The following HEMK2 variants were observed in gnomAD, a reference collection of about 807,000 sequenced individuals.
HEMK2 encodes the protein HemK methyltransferase 2, ETF1 glutamine and histone H4 lysine.
chr21:28,873,888 G>C, the HEMK2 span: 1 of 152,184 alleles, frequency 6.6e-6, no homozygotes, highest in East Asian at 1.9e-4. Context: ...TAAGTCATGG[G>C]AACAGGAAGC....
chr21:28,837,816 A>C, the HEMK2 span, among the ~76,000 whole-genome samples: 4 of 152,168 alleles, frequency 2.6e-5, no homozygotes, highest in Non-Finnish European at 5.9e-5. Context: ...GAAAAGAAGA[A>C]AGAAAATCCA....
chr21:28,647,356 A>G, the HEMK2 span, among the ~76,000 whole-genome samples: 3 of 150,380 alleles, frequency 2.0e-5, no homozygotes, highest in Non-Finnish European at 4.4e-5. Flanking sequence ...ACATACAAAA[A>G]AATTAGCTGG....
the HEMK2 span, among the ~76,000 whole-genome samples, chr21:28,647,254 G>A: frequency 1.6e-3 from 242 of 149,576 alleles, 3 homozygotes; most frequent in Middle Eastern, 0.014. Flanking sequence ...GGGAGGCTGA[G>A]GTGGGCTGAT....
chr21:28,769,302 C>T, the HEMK2 span, among the ~76,000 whole-genome samples: 1 of 152,030 alleles, frequency 6.6e-6, no homozygotes, highest in Non-Finnish European at 1.5e-5. Flanking sequence ...AATTTGTGCG[C>T]TGGGCTGTCA....
chr21:28,637,495 A>G, the HEMK2 span, among the ~76,000 whole-genome samples: 1 of 152,264 alleles, frequency 6.6e-6, no homozygotes, highest in East Asian at 1.9e-4. Flanking sequence ...GTTGCTCTCA[A>G]CAGAGCTGAG....
At chr21:28,631,819 T>C in the HEMK2 span, among the ~76,000 whole-genome samples, 1 of 151,046 alleles carries the variant, frequency 6.6e-6, no homozygotes, top group Admixed American at 6.6e-5. Context: ...AACAGGAGCC[T>C]AACCTCTTAG....
At chr21:28,691,463 C>T in the HEMK2 span, among the ~76,000 whole-genome samples, 1 of 152,144 alleles carries the variant, frequency 6.6e-6, no homozygotes, top group Admixed American at 6.5e-5. Flanking sequence ...TTGGCCTCTT[C>T]AAGTTGGTTT....
At chr21:28,839,534 A>C in the HEMK2 span, among the ~76,000 whole-genome samples, 1 of 152,216 alleles carries the variant, frequency 6.6e-6, no homozygotes, top group Non-Finnish European at 1.5e-5. Flanking sequence ...TTCCAGATAC[A>C]AGATTAATGT....
chr21:28,646,213 A>G, the HEMK2 span, among the ~76,000 whole-genome samples: 1 of 152,180 alleles, frequency 6.6e-6, no homozygotes, highest in Non-Finnish European at 1.5e-5. Context: ...GAAGAGAAAG[A>G]GGGAGGTGCT....
At chr21:28,697,778 C>CA in the HEMK2 span, among the ~76,000 whole-genome samples, 1,522 of 79,378 alleles carry the variant, frequency 0.019, 46 homozygotes, top group African/African-American at 0.025. Flanking sequence ...ATCATGAGCC[C>CA]AAAAAAAAAA....
the HEMK2 span, among the ~76,000 whole-genome samples, chr21:28,819,609 C>T: frequency 2.1e-5 from 3 of 145,696 alleles, no homozygotes; most frequent in Admixed American, 7.1e-5. Flanking sequence ...TGCAGTGGCG[C>T]GATCTCGGCT....
At chr21:28,586,035 C>G in the HEMK2 span, among the ~76,000 whole-genome samples, 25 of 152,146 alleles carry the variant, frequency 1.6e-4, no homozygotes, top group Non-Finnish European at 3.1e-4. Context: ...TAGTGATACA[C>G]AAATGCTAGG....
chr21:28,734,196 C>T, the HEMK2 span, among the ~76,000 whole-genome samples: 1 of 152,036 alleles, frequency 6.6e-6, no homozygotes, highest in Non-Finnish European at 1.5e-5. Flanking sequence ...AGACAGTAGC[C>T]CCCCGAAGAA....
the HEMK2 span, among the ~76,000 whole-genome samples, chr21:28,589,893 A>C: frequency 1.3e-5 from 2 of 152,158 alleles, no homozygotes; most frequent in Non-Finnish European, 2.9e-5. Flanking sequence ...TGCAGTCAAA[A>C]CTCAGGTGCA....
At chr21:28,864,557 A>T in the HEMK2 span, among the ~76,000 whole-genome samples, 1 of 152,130 alleles carries the variant, frequency 6.6e-6, no homozygotes, top group Admixed American at 6.5e-5. Flanking sequence ...TATTTCAATA[A>T]CTCTAGTTCA....
the HEMK2 span, among the ~76,000 whole-genome samples, chr21:28,817,559 T>C: frequency 4.3e-4 from 66 of 152,216 alleles, no homozygotes; most frequent in Non-Finnish European, 7.6e-4. Context: ...ACTCTAGATT[T>C]CAACTGAAAA....
chr21:28,587,110 G>T, the HEMK2 span, among the ~76,000 whole-genome samples: 1 of 151,566 alleles, frequency 6.6e-6, no homozygotes, highest in African/African-American at 2.4e-5. Flanking sequence ...TCTAAAAATT[G>T]CAAGCTATCC....
chr21:28,842,220 T>C, the HEMK2 span, among the ~76,000 whole-genome samples: 2 of 152,154 alleles, frequency 1.3e-5, no homozygotes, highest in South Asian at 2.1e-4. Context: ...ATGGGTGTTA[T>C]TGGCATCATT....
the HEMK2 span, chr21:28,874,739 T>C: frequency 1.3e-5 from 2 of 152,268 alleles, no homozygotes; most frequent in African/African-American, 2.4e-5. Context: ...GCCCATTCAG[T>C]GTCTATCCAC....
Sources: allele counts gnomAD v4.1 joint callset (sites outside exome capture counted in the v4.1 genomes callset), GRCh38; gene constraint gnomAD v4.1.1; transcripts MANE v1.5; gene names NCBI Gene and HGNC (gene_info 2026-07-23, HGNC 2026-07-21).